Variants in MICOS10 observed in about 807,000 individuals in gnomAD.
MICOS10 encodes mitochondrial contact site and cristae organizing system subunit 10.
Under a neutral mutation model 13.4 loss-of-function variants are expected in MICOS10, and 5 were observed. The ratio of observed to expected loss-of-function variants is 0.37; its 90% CI spans 0.20 to 0.78. MICOS10 has a LOEUF of 0.78. Among genes scored for constraint, MICOS10 ranks in the 30% least tolerant of loss-of-function variants. MICOS10 has a pLI of 0.47. For synonymous variants in MICOS10, 35 were observed against 33.6 expected (o/e 1.04, Z -0.15); for missense variants, 101 against 94.6 (o/e 1.07, Z -0.28).
At chr1:19,620,139 C>CA (rs1385740971) in intron 1 of MICOS10, among the ~76,000 whole-genome samples, 1 of 152,206 alleles carries the variant, frequency 6.6e-6, no homozygotes, top group Non-Finnish European at 1.5e-5. Context: ...GCAACAGCAA[C>CA]AAAAAGTGGC....
rs149468279 is a variant in MICOS10, at chr1:19,603,057, C to T, written c.64+5948C>T. Among the ~76,000 whole-genome samples, 535 of 152,232 alleles carry T rather than the reference C, an allele frequency of 3.5e-3. 1 individual carries two copies. The highest frequency in any genetic ancestry group is 0.012 in the African/African-American group (496 of 41,550). On this transcript the variant is annotated intron_variant, in intron 1 of 3. Transcript: ENST00000322753. ...GGTCACAGAAGCACTAGGCCGGGCT[C>T]GCTGGCTCACACCTGTAATCCCAGC...
At chr1:19,623,857 G>A (rs1426146086) in intron 3 of MICOS10, 16 of 273,414 alleles carry the variant, frequency 5.9e-5, no homozygotes, top group Non-Finnish European at 5.5e-5. Flanking sequence ...ATCATCAATG[G>A]TAAGGTAGAT....
At chr1:19,622,052 T>C (rs376355043) in intron 1 of MICOS10, 48 bp from the exon 2 acceptor site, 141 of 1,385,714 alleles carry the variant, frequency 1.0e-4, no homozygotes, top group Non-Finnish European at 1.3e-4. Context: ...GTTATCTTTG[T>C]GAAGTTACTG....
At chr1:19,617,006 A>G (rs1187519460) in intron 1 of MICOS10, among the ~76,000 whole-genome samples, 1 of 152,170 alleles carries the variant, frequency 6.6e-6, no homozygotes, top group African/African-American at 2.4e-5. Context: ...TACATACTGT[A>G]TCCACATGTG....
At chr1:19,597,267 A>AGGTCACTCGGGCGGCGGGC (rs2094795543) in intron 1 of MICOS10, among the ~76,000 whole-genome samples, 158 bp downstream of exon 1, 1 of 152,138 alleles carries the variant, frequency 6.6e-6, no homozygotes, top group African/African-American at 2.4e-5. Context: ...CCCCGGCGGG[A>AGGTCACTCGGGCGGCGGGC]GGTCACTCGG....
At chr1:19,607,418 C>T (rs778622345) in intron 1 of MICOS10, among the ~76,000 whole-genome samples, 1 of 152,140 alleles carries the variant, frequency 6.6e-6, no homozygotes, top group East Asian at 1.9e-4. Flanking sequence ...TTGGCAAGTG[C>T]ATTTCAGTAT....
chr1:19,608,447 G>A (rs11926), intron 1 of MICOS10: 1 of 1,279,944 alleles, frequency 7.8e-7, no homozygotes, highest in Non-Finnish European at 1.1e-6. Flanking sequence ...TGGACCTGGG[G>A]CCCAGTCGGC....
intron 1 of MICOS10, among the ~76,000 whole-genome samples, chr1:19,611,985 A>AAAAAAAT: frequency 6.6e-6 from 1 of 150,814 alleles, no homozygotes; most frequent in African/African-American, 2.4e-5. Context: ...AAAAAAAAAA[A>AAAAAAAT]GATTTTTTTT....
At chr1:19,617,394 T>C (rs2094888287) in intron 1 of MICOS10, 1 of 775,724 alleles carries the variant, frequency 1.3e-6, no homozygotes, top group Non-Finnish European at 1.6e-6. Flanking sequence ...TCTTTGTCAG[T>C]GTTGACTTTT....
At chr1:19,600,841 T>C in intron 1 of MICOS10, 1 of 1,251,138 alleles carries the variant, frequency 8.0e-7, no homozygotes, top group Non-Finnish European at 1.0e-6. Context: ...GTCCAAACGA[T>C]CCACCTACCT....
intron 1 of MICOS10, among the ~76,000 whole-genome samples, chr1:19,612,467 A>G (rs888530844): frequency 1.3e-5 from 2 of 151,878 alleles, no homozygotes; most frequent in Admixed American, 1.3e-4. Context: ...TCATGTCTGT[A>G]ATCCCAGCAC....
intron 1 of MICOS10, chr1:19,598,272 A>G (rs1056406181): frequency 1.6e-4 from 24 of 152,190 alleles, no homozygotes; most frequent in Admixed American, 1.6e-3. Flanking sequence ...GGCAGTAATA[A>G]TTATTACTAT....
chr1:19,607,820 G>C (rs1452103227), intron 1 of MICOS10, among the ~76,000 whole-genome samples: 3 of 152,216 alleles, frequency 2.0e-5, no homozygotes, highest in Non-Finnish European at 4.4e-5. Context: ...TGATTTTAAG[G>C]CTTGCAGTAA....
intron 1 of MICOS10, among the ~76,000 whole-genome samples, chr1:19,620,610 T>A (rs1173719295): frequency 6.6e-6 from 1 of 152,242 alleles, no homozygotes; most frequent in African/African-American, 2.4e-5. Context: ...TTTTTGCTGG[T>A]CTGAACTGTT....
chr1:19,601,576 CAAA>C (rs1264446193), intron 1 of MICOS10, among the ~76,000 whole-genome samples: 10 of 91,364 alleles, frequency 1.1e-4, no homozygotes, highest in African/African-American at 2.5e-4. Flanking sequence ...GACCCTTTCT[CAAA>C]AAAAAAAAAA....
chr1:19,617,901 T>TAA (rs200520510), intron 1 of MICOS10, among the ~76,000 whole-genome samples: 21 of 149,378 alleles, frequency 1.4e-4, no homozygotes, highest in Admixed American at 2.0e-4. Context: ...GATCCTCTAT[T>TAA]AAAAAATATA....
chr1:19,613,448 GGA>G (rs1464741707), intron 1 of MICOS10, among the ~76,000 whole-genome samples: 2 of 152,180 alleles, frequency 1.3e-5, no homozygotes, highest in Non-Finnish European at 2.9e-5. Context: ...TTGGCAGCAA[GGA>G]GCTTGCTGTA....
chr1:19,622,277 A>G, intron 2 of MICOS10, 130 bp downstream of exon 2: 1 of 596,170 alleles, frequency 1.7e-6, no homozygotes, highest in East Asian at 3.1e-5. Flanking sequence ...GGGGTTAGGT[A>G]GCCCATTATA....
intron 1 of MICOS10, among the ~76,000 whole-genome samples, chr1:19,598,396 C>T (rs901123039): frequency 2.3e-4 from 35 of 152,162 alleles, no homozygotes; most frequent in African/African-American, 8.2e-4. Context: ...TGTTTTGTTA[C>T]TGTTAACAGC....
Sources: gnomAD v4.1 joint callset for allele counts (sites outside exome capture counted in the v4.1 genomes callset) on GRCh38, gnomAD v4.1.1 for gene constraint, MANE v1.5 for transcripts, NCBI Gene and HGNC (gene_info 2026-07-23, HGNC 2026-07-21) for gene names.